The following NHS variants were observed in gnomAD, a reference collection of about 807,000 sequenced individuals.
NHS encodes the protein NHS actin remodeling regulator, also known as actin remodeling regulator NHS.
Under a neutral mutation model 72.5 loss-of-function variants are expected in NHS, and 5 were observed. The ratio of observed to expected loss-of-function variants is 0.07; its 90% CI spans 0.04 to 0.14. The LOEUF is 0.14. Ranked by LOEUF, NHS falls within the 10% of genes least tolerant of loss-of-function variation. The probability of loss-of-function intolerance (pLI) is 1.00; values close to 1 mark genes in which losing one functional copy is unlikely to be tolerated. For synonymous variants in NHS, 464 were observed against 547.7 expected (o/e 0.85, Z 2.13); for missense variants, 1,072 against 1,355.7 (o/e 0.79, Z 3.29).
chrX:17,722,440 T>C (rs912715247), intron 5 of NHS, among the ~76,000 whole-genome samples: 3 of 112,194 alleles, frequency 2.7e-5, no homozygotes, highest in Non-Finnish European at 3.8e-5. Flanking sequence ...AACAGCCATG[T>C]TATGACTGAT....
chrX:17,541,767 AACACACACAC>A (rs57700886), intron 1 of NHS, among the ~76,000 whole-genome samples: 82 of 62,912 alleles, frequency 1.3e-3, no homozygotes, highest in East Asian at 1.7e-3. Context: ...TGAGTTTGCG[AACACACACAC>A]ACACACACAC....
At chrX:17,488,018 A>G (rs1316181044) in intron 1 of NHS, among the ~76,000 whole-genome samples, 1 of 110,918 alleles carries the variant, frequency 9.0e-6, no homozygotes, top group Non-Finnish European at 1.9e-5. Flanking sequence ...AATCCTATTA[A>G]TGTGTTTCTC....
rs749986533 is a variant in NHS at position 17,639,375 on chromosome X, T to C, written c.566-48367T>C. ...CTATAACAGAATACCACAGACTGGG[T>C]AATTTATAAAGAAAATAAATGTATT... is the stretch of plus-strand genomic sequence containing the variant. On this transcript the variant is annotated intron_variant, in intron 1 of 8. Coordinates refer to ENST00000676302, the MANE Select transcript of NHS (RefSeq NM_001291867.2). 2.7e-5 allele frequency among the ~76,000 whole-genome samples: 3 copies of C among 111,679 alleles called. No individual in the cohort carries two copies. In the Admixed American group the frequency reaches 2.8e-4, roughly 11 times the overall value.
At chrX:17,594,573 G>A (rs2065616952) in intron 1 of NHS, among the ~76,000 whole-genome samples, 1 of 112,380 alleles carries the variant, frequency 8.9e-6, no homozygotes, top group Admixed American at 9.4e-5. Flanking sequence ...CACCTGTCCA[G>A]GCAATCTCTG....
chrX:17,567,345 C>T (rs1773413444), intron 1 of NHS, among the ~76,000 whole-genome samples: 1 of 111,736 alleles, frequency 8.9e-6, no homozygotes, highest in Non-Finnish European at 1.9e-5. Context: ...TGTCCAGCCT[C>T]CTGGCACCCA....
chrX:17,579,468 C>T (rs2067522558), intron 1 of NHS, among the ~76,000 whole-genome samples: 1 of 111,089 alleles, frequency 9.0e-6, no homozygotes, highest in African/African-American at 3.3e-5. Context: ...CTCTCTCCCC[C>T]TGCTCCCCCT....
At chrX:17,419,668 A>C (rs2064613840) in intron 1 of NHS, among the ~76,000 whole-genome samples, 1 of 111,109 alleles carries the variant, frequency 9.0e-6, no homozygotes, top group South Asian at 3.8e-4. Context: ...ATGGCCTAGA[A>C]GTTCTAGAAA....
At chrX:17,560,145 AG>A (rs1344036030) in intron 1 of NHS, among the ~76,000 whole-genome samples, 1 of 112,166 alleles carries the variant, frequency 8.9e-6, no homozygotes, top group Admixed American at 9.4e-5. Context: ...AGGAACTTAG[AG>A]GCTCCCATTT....
chrX:17,651,905 C>T (rs2065932433), intron 1 of NHS, among the ~76,000 whole-genome samples: 1 of 112,728 alleles, frequency 8.9e-6, no homozygotes, highest in Non-Finnish European at 1.9e-5. Context: ...TTACCATTTC[C>T]TGGCAATACC....
rs140239974 is a variant in NHS, at chrX:17,709,290, T to C, written c.853-10054T>C. 9.1e-3 allele frequency among the ~76,000 whole-genome samples: 1,016 copies of C among 111,861 alleles called. 7 individuals are homozygous for C. Among genetic ancestry groups the C allele is most frequent in the African/African-American group, 0.032 (969 of 30,694 alleles). ...ATTCTTTTCCCCTCTATACCCATTT[T>C]CAAGGCTCACCAGAAGCAGTTTGCT... On this transcript the variant is annotated intron_variant, in intron 3 of 8. Coordinates refer to ENST00000676302, the MANE Select transcript of NHS (RefSeq NM_001291867.2).
chrX:17,438,448 G>A (rs1006788699), intron 1 of NHS, among the ~76,000 whole-genome samples: 1 of 111,655 alleles, frequency 9.0e-6, no homozygotes, highest in African/African-American at 3.3e-5. Flanking sequence ...CCTAGGCCTC[G>A]GCAGCTTTCT....
At chrX:17,620,299 A>G (rs1001722628) in intron 1 of NHS, among the ~76,000 whole-genome samples, 4 of 112,176 alleles carry the variant, frequency 3.6e-5, no homozygotes, top group African/African-American at 1.3e-4. Flanking sequence ...AAGAGTTGAA[A>G]CTCAACTAAT....
intron 1 of NHS, among the ~76,000 whole-genome samples, chrX:17,537,847 C>G (rs1296975570): frequency 1.8e-5 from 2 of 111,674 alleles, no homozygotes; most frequent in African/African-American, 6.5e-5. Context: ...GAGACAATGC[C>G]CGACTGGAGG....
At chrX:17,676,776 T>C (rs970608240) in intron 1 of NHS, among the ~76,000 whole-genome samples, 1 of 112,396 alleles carries the variant, frequency 8.9e-6, no homozygotes, top group Non-Finnish European at 1.9e-5. Flanking sequence ...GATGGGCTGG[T>C]CATTTTCAGT....
chrX:17,616,420 A>G (rs934252744), intron 1 of NHS, among the ~76,000 whole-genome samples: 8 of 112,919 alleles, frequency 7.1e-5, no homozygotes, highest in African/African-American at 2.6e-4. Context: ...TTAGAAATAC[A>G]ATGCAAAACA....
intron 1 of NHS, among the ~76,000 whole-genome samples, chrX:17,664,371 G>A (rs1330716094): frequency 2.7e-5 from 3 of 111,595 alleles, no homozygotes; most frequent in Non-Finnish European, 3.8e-5. Context: ...GGTTGTGTAT[G>A]GAGTAAGGTA....
intron 1 of NHS, among the ~76,000 whole-genome samples, chrX:17,377,844 A>T (rs1015528669): frequency 8.8e-6 from 1 of 113,027 alleles, no homozygotes; most frequent in African/African-American, 3.2e-5. Flanking sequence ...TCTGGAAAGA[A>T]TTAGGACTGC....
At chrX:17,386,194 T>C (rs2064407292) in intron 1 of NHS, among the ~76,000 whole-genome samples, 1 of 112,151 alleles carries the variant, frequency 8.9e-6, no homozygotes, top group African/African-American at 3.2e-5. Context: ...CTAGAACATC[T>C]TTTAAGGGTC....
chrX:17,715,031 A>T (rs2066356638), intron 3 of NHS, among the ~76,000 whole-genome samples: 1 of 112,367 alleles, frequency 8.9e-6, no homozygotes, highest in South Asian at 3.7e-4. Context: ...TTTTTAAAAA[A>T]ATATTTCAAT....
Sources: gnomAD v4.1 joint callset for allele counts (sites outside exome capture counted in the v4.1 genomes callset) on GRCh38, gnomAD v4.1.1 for gene constraint, MANE v1.5 for transcripts, NCBI Gene and HGNC (gene_info 2026-07-23, HGNC 2026-07-21) for gene names.